PAX5: variants seen among roughly 807,000 people sequenced by gnomAD.
The protein encoded by PAX5 is paired box protein Pax-5.
Under a neutral mutation model 43.7 loss-of-function variants are expected in PAX5, and 9 were observed. That is an observed-to-expected ratio of 0.21 (90% confidence interval 0.12 to 0.36). The LOEUF is 0.36. PAX5 is among the 10% of genes least tolerant of loss of function. The pLI, the probability that PAX5 is intolerant of heterozygous loss-of-function variation, is 1.00. For missense variants in PAX5, 383 were observed against 532.7 expected, an observed-to-expected ratio of 0.72 and a Z score of 2.77; for synonymous variants, 228 against 214.3, an observed-to-expected ratio of 1.06 and a Z score of -0.56.
chr9:36,956,503 C>T (rs576551359), intron 6 of PAX5, among the ~76,000 whole-genome samples: 36 of 152,236 alleles, frequency 2.4e-4, no homozygotes, highest in African/African-American at 8.7e-4. Context: ...AAAACCATGA[C>T]CCAGAGTGAC....
intron 2 of PAX5, among the ~76,000 whole-genome samples, chr9:37,020,339 A>C (rs1839749364): frequency 6.6e-6 from 1 of 152,118 alleles, no homozygotes; most frequent in Non-Finnish European, 1.5e-5. Flanking sequence ...CTCACCTAGG[A>C]TATATAAGGG....
intron 1 of PAX5, among the ~76,000 whole-genome samples, chr9:37,029,531 C>T (rs1203047437): frequency 2.0e-5 from 3 of 152,242 alleles, no homozygotes; most frequent in African/African-American, 7.2e-5. Context: ...CCCTTTCACC[C>T]CCGGCCTTGG....
At chr9:36,981,994 G>A (rs1340985475) in intron 5 of PAX5, among the ~76,000 whole-genome samples, 1 of 152,262 alleles carries the variant, frequency 6.6e-6, no homozygotes, top group Non-Finnish European at 1.5e-5. Flanking sequence ...GATGGACCCT[G>A]TGGCTCCCCA....
At chr9:36,889,959 G>T (rs1372651867) in intron 7 of PAX5, among the ~76,000 whole-genome samples, 2 of 147,816 alleles carry the variant, frequency 1.4e-5, no homozygotes, top group Non-Finnish European at 1.5e-5. Flanking sequence ...GGGGGAATGT[G>T]AATCCAATTA....
chr9:37,017,827 G>A (rs557396591), intron 2 of PAX5, among the ~76,000 whole-genome samples: 46 of 152,328 alleles, frequency 3.0e-4, no homozygotes, highest in African/African-American at 1.1e-3. Context: ...CATGGGCCAG[G>A]CACTTAGAAG....
At chr9:36,982,482 T>C (rs1836022910) in intron 5 of PAX5, among the ~76,000 whole-genome samples, 1 of 151,940 alleles carries the variant, frequency 6.6e-6, no homozygotes, top group Non-Finnish European at 1.5e-5. Flanking sequence ...GGACTTACAG[T>C]CCAAGCTTGT....
At chr9:36,861,086 T>C in intron 8 of PAX5, 1 of 152,248 alleles carries the variant, frequency 6.6e-6, no homozygotes. Flanking sequence ...CAAGGAAAGA[T>C]AAGTGAAGAA....
chr9:36,947,641 A>G (rs1015554707), intron 6 of PAX5, among the ~76,000 whole-genome samples: 1 of 152,128 alleles, frequency 6.6e-6, no homozygotes, highest in African/African-American at 2.4e-5. Flanking sequence ...CACTGTCCAG[A>G]TATTACATTA....
At chr9:36,898,665 T>C (rs188274733) in intron 7 of PAX5, among the ~76,000 whole-genome samples, 1 of 152,236 alleles carries the variant, frequency 6.6e-6, no homozygotes, top group Non-Finnish European at 1.5e-5. Context: ...ATGCGCGAGA[T>C]GGGATCTCAT....
intron 8 of PAX5, among the ~76,000 whole-genome samples, chr9:36,867,985 C>T (rs951923263): frequency 1.5e-4 from 23 of 152,202 alleles, no homozygotes; most frequent in African/African-American, 4.6e-4. Context: ...CCCCGCGTTC[C>T]CGGCCCCGGG....
chr9:36,852,162 T>C (rs1823222314), intron 8 of PAX5, among the ~76,000 whole-genome samples: 1 of 152,158 alleles, frequency 6.6e-6, no homozygotes, highest in African/African-American at 2.4e-5. Context: ...CTAGGTACCT[T>C]CTCTCATTGA....
intron 6 of PAX5, among the ~76,000 whole-genome samples, chr9:36,927,441 T>C (rs1830733470): frequency 6.6e-6 from 1 of 152,246 alleles, no homozygotes. Flanking sequence ...TATGTTGCTA[T>C]TTGATTTTTG....
At chr9:36,885,937 C>T (rs934397863) in intron 7 of PAX5, among the ~76,000 whole-genome samples, 1 of 152,162 alleles carries the variant, frequency 6.6e-6, no homozygotes, top group Non-Finnish European at 1.5e-5. Flanking sequence ...GCACAGTGGC[C>T]TCCTCTGACC....
At chr9:36,924,976 A>T (rs564084572) in intron 6 of PAX5, among the ~76,000 whole-genome samples, 1 of 151,984 alleles carries the variant, frequency 6.6e-6, no homozygotes, top group Admixed American at 6.5e-5. Context: ...GTCCAGGGTT[A>T]TGTCCTTGTC....
chr9:36,962,312 A>T (rs903514892), intron 6 of PAX5, among the ~76,000 whole-genome samples: 4 of 152,206 alleles, frequency 2.6e-5, no homozygotes, highest in African/African-American at 9.6e-5. Flanking sequence ...CTGGACCTGG[A>T]GGCCCATGGA....
rs1826581034 is a variant in PAX5, at chr9:36,882,998, G to A, written c.911-893C>T. 6.6e-6 allele frequency among the ~76,000 whole-genome samples: 1 copy of A among 152,350 alleles called. No homozygotes were observed. The highest frequency in any genetic ancestry group is 2.1e-4 in the South Asian group (1 of 4,832). On this transcript the variant is annotated intron_variant, in intron 7 of 9. Transcript: ENST00000358127. The surrounding 1 kb of genome is among the most constrained non-coding windows in gnomAD (Gnocchi z 4.4). ...CCACATAAGGGGTGCTGCCAAACCT[G>A]CCTCCTGAAAGATGGGGGGCATTAG...
At position 36,855,486 on chromosome 9, in the gene PAX5, C is replaced by A. The variant is rs570855259; in HGVS notation, c.1013-8557G>T. The stretch of plus-strand genomic sequence containing the variant: ...CCTGTCCTGCCCTCATCTAAGCAAA[C>A]AATGGGCATGTACAAATGACCCCCC... On this transcript the variant is annotated intron_variant, in intron 8 of 9. Coordinates refer to ENST00000358127, the MANE Select transcript of PAX5 (RefSeq NM_016734.3). Among the ~76,000 whole-genome samples the A allele has an allele frequency of 6.1e-4, 89 of 146,436 alleles. 1 individual carries two copies. The highest frequency in any genetic ancestry group is 2.1e-3 in the African/African-American group (85 of 40,480).
rs572234529 is a variant in PAX5, at chr9:36,881,988, G to A, written c.1012+16C>T. On this transcript the variant is annotated intron_variant, in intron 8 of 9. Transcript: ENST00000358127. ...GTCCGCTGCCTGCTGTGGAGACGCC[G>A]ACAGTGCAAACTCACCAGGCACCAT... is the stretch of plus-strand genomic sequence containing the variant. 2.9e-5 allele frequency: 47 copies of A among 1,594,740 alleles called. No homozygotes were observed. Among genetic ancestry groups the A allele is most frequent in the South Asian group, 7.9e-5 (7 of 88,684 alleles).
chr9:37,001,464 C>T (rs1230428159), intron 5 of PAX5, among the ~76,000 whole-genome samples: 3 of 152,348 alleles, frequency 2.0e-5, no homozygotes, highest in East Asian at 1.9e-4. Context: ...AACACAGCAC[C>T]GCAGCCTACT....
Sources: allele counts gnomAD v4.1 joint callset (sites outside exome capture counted in the v4.1 genomes callset), GRCh38; gene constraint gnomAD v4.1.1; non-coding constraint Gnocchi (gnomAD v3.1); transcripts MANE v1.5; gene names NCBI Gene and HGNC (gene_info 2026-07-23, HGNC 2026-07-21).